Variants in SLMAP observed in about 807,000 individuals in gnomAD.
SLMAP encodes the protein sarcolemma associated protein.
Under a neutral mutation model 128.8 loss-of-function variants are expected in SLMAP, and 44 were observed. That is an observed-to-expected ratio of 0.34 (90% confidence interval 0.27 to 0.44). The LOEUF (loss-of-function observed/expected upper bound fraction) is 0.44. Ranked by LOEUF, SLMAP falls within the 20% of genes least tolerant of loss-of-function variation. SLMAP has a pLI of 1.00. For synonymous variants in SLMAP, 327 were observed against 348.8 expected (o/e 0.94, Z 0.70); for missense variants, 787 against 985.3 (o/e 0.80, Z 2.69).
intron 2 of SLMAP, among the ~76,000 whole-genome samples, chr3:57,774,596 C>T (rs2081459188): frequency 6.6e-6 from 1 of 151,962 alleles, no homozygotes; most frequent in Non-Finnish European, 1.5e-5. Flanking sequence ...ATGATCTTGG[C>T]TCACTGCAAC....
chr3:57,822,950 T>C (rs1370708748), intron 2 of SLMAP, among the ~76,000 whole-genome samples: 2 of 152,176 alleles, frequency 1.3e-5, no homozygotes, highest in Non-Finnish European at 2.9e-5. Flanking sequence ...AAGAATAGGT[T>C]GGAAAATTCA....
At chr3:57,781,916 T>G (rs1394495939) in intron 2 of SLMAP, among the ~76,000 whole-genome samples, 1 of 151,982 alleles carries the variant, frequency 6.6e-6, no homozygotes, top group Non-Finnish European at 1.5e-5. Context: ...TGTTTTTAAC[T>G]AGATGCGGGG....
At chr3:57,916,799 C>A in intron 21 of SLMAP, 107 bp from the exon 22 acceptor site, 1 of 819,280 alleles carries the variant, frequency 1.2e-6, no homozygotes, top group Non-Finnish European at 1.9e-6. Context: ...TTCTTTTTTT[C>A]TCTGAAATCC....
At chr3:57,898,557 T>G (rs1327101866) in intron 17 of SLMAP, 1 of 152,238 alleles carries the variant, frequency 6.6e-6, no homozygotes, top group African/African-American at 2.4e-5. Flanking sequence ...AACTTAAGAT[T>G]GAGTATAGTG....
intron 2 of SLMAP, among the ~76,000 whole-genome samples, chr3:57,797,128 G>T (rs1435677015): frequency 6.7e-6 from 1 of 149,122 alleles, no homozygotes; most frequent in Non-Finnish European, 1.5e-5. Flanking sequence ...GTTACAGTGA[G>T]CTATGATTGT....
chr3:57,907,376 G>T (rs1318187177), intron 17 of SLMAP, among the ~76,000 whole-genome samples: 10 of 152,186 alleles, frequency 6.6e-5, no homozygotes. Context: ...GACAAAGTAG[G>T]CTCAGTAGAG....
At position 57,869,647 on chromosome 3, in the gene SLMAP, TATATATATATATA is replaced by T. The variant is rs1316392594; in HGVS notation, c.1238-1979_1238-1967del. ...CATCTCTATTATATATATATATATA[TATATATATATATA>T]ATATATATAAACAAAACAAATTCTA... On this transcript the variant is annotated intron_variant, in intron 13 of 24. Transcript: ENST00000671191. 2.4e-4 allele frequency among the ~76,000 whole-genome samples: 33 copies of T among 134,816 alleles called. 2 individuals are homozygous for T. In the East Asian group the frequency reaches 4.9e-3, roughly 20 times the overall value. The allele number at this position is 134,816 out of a possible 152,430, so 88.4% of individuals were successfully genotyped here. A position where few individuals can be genotyped will look rare whatever the true frequency, so the allele number is the denominator to read the frequency against.
intron 3 of SLMAP, among the ~76,000 whole-genome samples, chr3:57,838,560 G>A (rs2093751816): frequency 6.6e-6 from 1 of 152,138 alleles, no homozygotes; most frequent in African/African-American, 2.4e-5. Flanking sequence ...GAATCTAATT[G>A]GTGAGACAAC....
chr3:57,812,088 C>T (rs1202558157), intron 2 of SLMAP, among the ~76,000 whole-genome samples: 1 of 152,078 alleles, frequency 6.6e-6, no homozygotes, highest in Non-Finnish European at 1.5e-5. Flanking sequence ...CATGAAGTCC[C>T]CTTTGTCTTT....
intron 21 of SLMAP, 121 bp from the exon 22 acceptor site, chr3:57,916,785 A>G: frequency 1.4e-6 from 1 of 722,636 alleles, no homozygotes; most frequent in Non-Finnish European, 2.2e-6. Context: ...TCTTTTTTAT[A>G]CTTTTCTTTT....
intron 14 of SLMAP, among the ~76,000 whole-genome samples, chr3:57,873,461 C>T (rs2095530687): frequency 6.6e-6 from 1 of 151,874 alleles, no homozygotes; most frequent in Admixed American, 6.6e-5. Context: ...CGAGGTTGTG[C>T]CACTGCACTC....
chr3:57,809,428 C>T (rs957897237), intron 2 of SLMAP, among the ~76,000 whole-genome samples: 1 of 152,210 alleles, frequency 6.6e-6, no homozygotes. Flanking sequence ...CCTGTCACCT[C>T]AGCCCACTCT....
intron 2 of SLMAP, among the ~76,000 whole-genome samples, chr3:57,775,381 C>G (rs1004668429): frequency 3.9e-5 from 6 of 151,922 alleles, no homozygotes; most frequent in Non-Finnish European, 8.8e-5. Flanking sequence ...TTTAAAAATA[C>G]TTGTGGCTGG....
intron 5 of SLMAP, among the ~76,000 whole-genome samples, chr3:57,848,709 C>CTTTTTTTT (rs34568039): frequency 2.9e-5 from 3 of 103,596 alleles, no homozygotes; most frequent in Non-Finnish European, 3.6e-5. Flanking sequence ...CCTCCTACTC[C>CTTTTTTTT]TTTTTTTTTT....
chr3:57,794,580 G>A (rs539324798), intron 2 of SLMAP, among the ~76,000 whole-genome samples: 1 of 152,190 alleles, frequency 6.6e-6, no homozygotes, highest in South Asian at 2.1e-4. Context: ...TTCATTAGCA[G>A]TCACCCCCCC....
At chr3:57,795,510 G>T (rs925503317) in intron 2 of SLMAP, among the ~76,000 whole-genome samples, 6 of 152,192 alleles carry the variant, frequency 3.9e-5, no homozygotes, top group Non-Finnish European at 7.3e-5. Flanking sequence ...CTGCACTCCA[G>T]CCTGGGCAAC....
intron 15 of SLMAP, among the ~76,000 whole-genome samples, chr3:57,893,204 A>G (rs1036379630): frequency 6.6e-6 from 1 of 152,028 alleles, no homozygotes; most frequent in Non-Finnish European, 1.5e-5. Context: ...GTGCACTGGG[A>G]ATATAGCAGT....
intron 2 of SLMAP, among the ~76,000 whole-genome samples, chr3:57,787,176 G>A (rs892574798): frequency 1.2e-4 from 19 of 152,182 alleles, no homozygotes; most frequent in Non-Finnish European, 2.5e-4. Flanking sequence ...AAGCTGTAAA[G>A]AAATTATAAT....
At chr3:57,873,320 T>C (rs1182213558) in intron 14 of SLMAP, among the ~76,000 whole-genome samples, 1 of 152,074 alleles carries the variant, frequency 6.6e-6, no homozygotes. Context: ...CTGGCCAACA[T>C]GGTGAAACCC....
Sources: allele counts gnomAD v4.1 joint callset (sites outside exome capture counted in the v4.1 genomes callset), GRCh38; gene constraint gnomAD v4.1.1; transcripts MANE v1.5; gene names NCBI Gene and HGNC (gene_info 2026-07-23, HGNC 2026-07-21).